ENTREP2: variants seen among roughly 807,000 people sequenced by gnomAD.
ENTREP2 encodes the protein endosomal transmembrane epsin interactor 2.
the ENTREP2 span, among the ~76,000 whole-genome samples, chr15:29,143,533 G>C: frequency 2.0e-5 from 3 of 152,158 alleles, no homozygotes; most frequent in Admixed American, 6.5e-5. Flanking sequence ...CCCTCTGTAG[G>C]GCGCAGCACA....
chr15:29,628,880 G>A, the ENTREP2 span, among the ~76,000 whole-genome samples: 1 of 152,134 alleles, frequency 6.6e-6, no homozygotes, highest in African/African-American at 2.4e-5. Flanking sequence ...CTCCCAAGTA[G>A]CTGGGATTAC....
the ENTREP2 span, among the ~76,000 whole-genome samples, chr15:29,493,439 T>C: frequency 1.3e-5 from 2 of 151,690 alleles, no homozygotes; most frequent in Non-Finnish European, 2.9e-5. Flanking sequence ...GGCCGACAAC[T>C]CTTTTTACCT....
At chr15:29,601,087 C>T in the ENTREP2 span, among the ~76,000 whole-genome samples, 17 of 150,108 alleles carry the variant, frequency 1.1e-4, no homozygotes, top group Admixed American at 2.6e-4. Context: ...TCAGTAGAGA[C>T]GGGGTTTCAC....
chr15:29,493,895 T>C, the ENTREP2 span, among the ~76,000 whole-genome samples: 3 of 152,018 alleles, frequency 2.0e-5, no homozygotes, highest in Non-Finnish European at 4.4e-5. Flanking sequence ...GAGAGTTGCT[T>C]GAACCCAGGA....
the ENTREP2 span, among the ~76,000 whole-genome samples, chr15:29,411,469 C>T: frequency 6.6e-6 from 1 of 152,186 alleles, no homozygotes; most frequent in Admixed American, 6.5e-5. Flanking sequence ...CGTTTATTGA[C>T]CCTACATATG....
chr15:29,381,476 A>T, the ENTREP2 span, among the ~76,000 whole-genome samples: 1 of 150,030 alleles, frequency 6.7e-6, no homozygotes, highest in Non-Finnish European at 1.5e-5. Context: ...AAAAAAAAAA[A>T]AAAAGCCCTT....
At chr15:29,649,635 G>C in the ENTREP2 span, among the ~76,000 whole-genome samples, 1 of 149,050 alleles carries the variant, frequency 6.7e-6, no homozygotes. Context: ...CAGGAGAATC[G>C]ACTGAACCTG....
the ENTREP2 span, among the ~76,000 whole-genome samples, chr15:29,178,040 C>T: frequency 6.6e-6 from 1 of 152,074 alleles, no homozygotes; most frequent in Admixed American, 6.5e-5. Context: ...TGCCTGTAAT[C>T]CCAACACTTA....
At chr15:29,302,543 C>T in the ENTREP2 span, among the ~76,000 whole-genome samples, 1 of 152,108 alleles carries the variant, frequency 6.6e-6, no homozygotes, top group Non-Finnish European at 1.5e-5. Flanking sequence ...ATTAGATTTG[C>T]AAATGAATGA....
chr15:29,550,807 C>T, the ENTREP2 span, among the ~76,000 whole-genome samples: 3 of 152,158 alleles, frequency 2.0e-5, no homozygotes, highest in East Asian at 1.9e-4. Flanking sequence ...CATTCACTCA[C>T]GCAGCAAACA....
the ENTREP2 span, among the ~76,000 whole-genome samples, chr15:29,284,460 G>C: frequency 1.6e-4 from 25 of 151,736 alleles, no homozygotes; most frequent in African/African-American, 5.1e-4. Flanking sequence ...AGGAGGATGA[G>C]GCAGGAGAAT....
At chr15:29,508,323 A>G in the ENTREP2 span, among the ~76,000 whole-genome samples, 5 of 152,344 alleles carry the variant, frequency 3.3e-5, no homozygotes, top group East Asian at 9.6e-4. Flanking sequence ...CAGAGGCACA[A>G]AGAGGAGCTG....
At chr15:29,429,088 C>T in the ENTREP2 span, among the ~76,000 whole-genome samples, 3,463 of 152,256 alleles carry the variant, frequency 0.023, 140 homozygotes, top group African/African-American at 0.079. Context: ...TCTATCCATC[C>T]ATCCATCCAT....
chr15:29,124,590 G>T, the ENTREP2 span: 1 of 1,014,830 alleles, frequency 9.9e-7, no homozygotes, highest in East Asian at 2.6e-5. Context: ...GTGGGGTGAG[G>T]AGCTGCATTT....
At chr15:29,389,335 A>C in the ENTREP2 span, among the ~76,000 whole-genome samples, 30 of 152,222 alleles carry the variant, frequency 2.0e-4, 1 homozygote, top group African/African-American at 6.5e-4. Flanking sequence ...CGACATCCGG[A>C]GTGGGACACT....
the ENTREP2 span, among the ~76,000 whole-genome samples, chr15:29,601,939 G>A: frequency 1.3e-5 from 2 of 152,172 alleles, no homozygotes; most frequent in African/African-American, 2.4e-5. Context: ...ACTGTGGTGC[G>A]CATCTGTTAC....
the ENTREP2 span, among the ~76,000 whole-genome samples, chr15:29,327,890 A>T: frequency 6.6e-6 from 1 of 152,204 alleles, no homozygotes; most frequent in Non-Finnish European, 1.5e-5. Flanking sequence ...ACAGTTTAAA[A>T]GTTTCTTACA....
the ENTREP2 span, among the ~76,000 whole-genome samples, chr15:29,566,700 G>A: frequency 1.7e-4 from 26 of 151,914 alleles, no homozygotes; most frequent in Admixed American, 4.6e-4. Context: ...CCAGTGGTCC[G>A]CCCGCCTCAG....
At chr15:29,280,195 T>C in the ENTREP2 span, among the ~76,000 whole-genome samples, 1 of 152,248 alleles carries the variant, frequency 6.6e-6, no homozygotes, top group African/African-American at 2.4e-5. Context: ...TCGCATTCTC[T>C]GAAAACGTGT....
Sources: allele counts gnomAD v4.1 joint callset (sites outside exome capture counted in the v4.1 genomes callset), GRCh38; gene constraint gnomAD v4.1.1; transcripts MANE v1.5; gene names NCBI Gene and HGNC (gene_info 2026-07-23, HGNC 2026-07-21).